Variants in CMTM4 observed in about 807,000 individuals in gnomAD.
The protein encoded by CMTM4 is CKLF-like MARVEL transmembrane domain-containing protein 4.
In CMTM4, 8 loss-of-function variants were observed where a neutral mutation model predicts 19.0. The ratio of observed to expected loss-of-function variants is 0.42; its 90% CI spans 0.25 to 0.76. CMTM4 has a LOEUF of 0.76. CMTM4 is among the 30% of genes least tolerant of loss of function. CMTM4 has a pLI of 0.27. For synonymous variants in CMTM4, 106 were observed against 121.1 expected, an observed-to-expected ratio of 0.88 and a Z score of 0.82; for missense variants, 228 against 290.2, an observed-to-expected ratio of 0.79 and a Z score of 1.56.
chr16:66,620,785 CAAACTA>C lies in CMTM4; in HGVS notation c.*1267_*1272del. The C allele has an allele frequency of 1.0e-6, 1 of 985,708 alleles. No individual in the cohort carries two copies. The highest frequency in any genetic ancestry group is 1.7e-5 in the African/African-American group (1 of 57,340). The allele number at this position is 985,708 out of a possible 1,614,324, so 61.1% of individuals were successfully genotyped here. A position where few individuals can be genotyped will look rare whatever the true frequency, so the allele number is the denominator to read the frequency against. ...AACAGTTCAAAGAGGGAAAACCTGACAAACTAAAACAACTTTTTTCCATAAAAGATA... is the reference window on the plus strand; with the variant it reads ...AACAGTTCAAAGAGGGAAAACCTGACAAACAACTTTTTTCCATAAAAGATA... On this transcript the variant is annotated 3_prime_UTR_variant, in exon 4 of 4. Coordinates refer to ENST00000394106, the MANE Select transcript of CMTM4 (RefSeq NM_181521.3).
chr16:66,640,768 GCT>G (rs2016084946), intron 1 of CMTM4, among the ~76,000 whole-genome samples: 1 of 152,152 alleles, frequency 6.6e-6, no homozygotes, highest in African/African-American at 2.4e-5. Context: ...TTCCTGCCTT[GCT>G]CTCTCTTAGA....
intron 2 of CMTM4, among the ~76,000 whole-genome samples, 191 bp downstream of exon 2, chr16:66,636,214 T>A (rs1326028782): frequency 6.6e-6 from 1 of 152,226 alleles, no homozygotes; most frequent in Non-Finnish European, 1.5e-5. Context: ...CTCCCATTAG[T>A]TAAGATTCAG....
intron 1 of CMTM4, among the ~76,000 whole-genome samples, chr16:66,681,609 T>C (rs1771592432): frequency 6.6e-6 from 1 of 152,216 alleles, no homozygotes; most frequent in Non-Finnish European, 1.5e-5. Flanking sequence ...CAGCCTTCCC[T>C]ATTAAATCTT....
chr16:66,695,427 A>AGGCC (rs1218786298), intron 1 of CMTM4, among the ~76,000 whole-genome samples: 2 of 152,202 alleles, frequency 1.3e-5, no homozygotes, highest in African/African-American at 4.8e-5. Context: ...TGGCCTCAGA[A>AGGCC]GGCCTACCTG....
chr16:66,674,884 G>T (rs1414078876), intron 1 of CMTM4, among the ~76,000 whole-genome samples: 3 of 151,370 alleles, frequency 2.0e-5, no homozygotes, highest in Admixed American at 2.0e-4. Context: ...TGGGATTACA[G>T]GTGCCTGCCA....
chr16:66,690,091 T>A (rs772284047), intron 1 of CMTM4, among the ~76,000 whole-genome samples: 1 of 152,182 alleles, frequency 6.6e-6, no homozygotes, highest in African/African-American at 2.4e-5. Context: ...GGAAGACAAC[T>A]CCTAAAGATA....
chr16:66,605,040 G>T, the CMTM4 span: 2 of 1,226,848 alleles, frequency 1.6e-6, no homozygotes. The surrounding 1 kb of genome is among the most constrained non-coding windows in gnomAD (Gnocchi z 4.6). Context: ...GGGTCCGGGG[G>T]CGGCCGCCGT....
Position 66,619,280 on chromosome 16 carries a change from A to G in CMTM4, c.*2778T>C, listed in dbSNP as rs2015583817. ...GCCAAAATAAACTTTCTCTGAGGAC[A>G]TCAGTGTTTGCATCCATCTAAAACC... On this transcript the variant is annotated 3_prime_UTR_variant, in exon 4 of 4. Coordinates refer to ENST00000394106, the MANE Select transcript of CMTM4 (RefSeq NM_181521.3). The G allele has an allele frequency of 3.0e-6, 3 of 985,496 alleles. No homozygotes were observed. The highest frequency in any genetic ancestry group is 3.6e-6 in the Non-Finnish European group (3 of 829,952). 61.0% of individuals were successfully genotyped at this position (985,496 alleles called of 1,614,324 possible).
chr16:66,618,462 C>T lies in CMTM4; in HGVS notation c.*3596G>A, dbSNP rs181536386. 48 of 985,446 alleles carry T rather than the reference C, an allele frequency of 4.9e-5. No individual in the cohort carries two copies. The Admixed American group carries it at 1.2e-3, about 24-fold the overall frequency. 61.0% of individuals were successfully genotyped at this position (985,446 alleles called of 1,614,324 possible). The stretch of plus-strand genomic sequence containing the variant: ...TCATCTCCTAGGTGCTAAGACCAAC[C>T]CACAGAAAATCTGGCACAGAAAGGG... On this transcript the variant is annotated 3_prime_UTR_variant, in exon 4 of 4. Coordinates refer to ENST00000394106, the MANE Select transcript of CMTM4 (RefSeq NM_181521.3).
the CMTM4 span, among the ~76,000 whole-genome samples, chr16:66,599,188 G>T: frequency 6.6e-6 from 1 of 151,960 alleles, no homozygotes; most frequent in East Asian, 1.9e-4. Context: ...TACTTGGGAG[G>T]CTGAGGCATG....
At chr16:66,604,151 GTC>G in the CMTM4 span, 1 of 153,176 alleles carries the variant, frequency 6.5e-6, no homozygotes, top group Non-Finnish European at 1.5e-5. Context: ...GTGTGTGTGT[GTC>G]TGTGTGTGTG....
Position 66,621,494 on chromosome 16 carries a change from A to AG in CMTM4, c.*563dup, listed in dbSNP as rs1012411405. ...AAAAGGTCACCCTTCCTTGAGTCAG[A>AG]GGTCCCTGGGAGCCATCCTAACAGG... On this transcript the variant is annotated 3_prime_UTR_variant, in exon 4 of 4. Coordinates refer to ENST00000394106, the MANE Select transcript of CMTM4 (RefSeq NM_181521.3). The AG allele has an allele frequency of 6.7e-5, 66 of 986,044 alleles. No individual in the cohort carries two copies. The highest frequency in any genetic ancestry group is 6.1e-5 in the Non-Finnish European group (51 of 830,136). 61.1% of individuals were successfully genotyped at this position (986,044 alleles called of 1,614,324 possible). A position where few individuals can be genotyped will look rare whatever the true frequency, so the allele number is the denominator to read the frequency against.
Position 66,696,383 on chromosome 16 carries a change from T to G in CMTM4, c.143A>C (p.Asp48Ala). The G allele has an allele frequency of 7.0e-7, 1 of 1,425,814 alleles. No homozygotes were observed. The highest frequency in any genetic ancestry group is 9.2e-7 in the Non-Finnish European group (1 of 1,091,792). The allele number at this position is 1,425,814 out of a possible 1,614,324, so 88.3% of individuals were successfully genotyped here. The change falls in exon 1 of 4, where the codon GAC (aspartate) becomes GCC (alanine). Residue 48 changes from aspartate (D) to alanine (A), a missense_variant. Coordinates refer to ENST00000394106, the MANE Select transcript of CMTM4 (RefSeq NM_181521.3). This position sits in a 1 kb window ranked among gnomAD's most constrained non-coding sequence, Gnocchi z 4.3. ...RGLAGLRCDP[D>A]YLRGALGRLK... is the part of the protein sequence containing the mutation. ...GCGGCCGAGCGCGCCGCGCAGGTAG[T>G]CGGGGTCGCAGCGCAGGCCGGCCAG...
the CMTM4 span, among the ~76,000 whole-genome samples, chr16:66,600,112 T>TTGTGTG: frequency 3.9e-4 from 57 of 146,574 alleles, no homozygotes; most frequent in Non-Finnish European, 6.1e-4. Context: ...AGCCATCCTT[T>TTGTGTG]TGTGTGTGTG....
chr16:66,636,639 A>C (rs2015997296), intron 1 of CMTM4, 58 bp from the exon 2 acceptor site: 2 of 1,375,482 alleles, frequency 1.5e-6, no homozygotes, highest in Admixed American at 3.4e-5. Context: ...ATCTGCGGAC[A>C]TACGTACCTG....
intron 1 of CMTM4, among the ~76,000 whole-genome samples, chr16:66,679,804 A>G (rs1461704994): frequency 6.7e-6 from 1 of 150,150 alleles, no homozygotes; most frequent in African/African-American, 2.5e-5. Context: ...AGCCTGGGTG[A>G]CAGTGCGAGA....
At position 66,621,885 on chromosome 16, in the gene CMTM4, C is replaced by T; in HGVS notation, c.*173G>A. On this transcript the variant is annotated 3_prime_UTR_variant, in exon 4 of 4. Transcript: ENST00000394106. The stretch of plus-strand genomic sequence containing the variant: ...ACGCTGAGGAACGTGGGCCTCCCAA[C>T]TCCACCGCGGACCCGCCCACTGGGC... The T allele has an allele frequency of 1.4e-6, 2 of 1,426,430 alleles. No homozygotes were observed. Among genetic ancestry groups the T allele is most frequent in the Non-Finnish European group, 1.8e-6 (2 of 1,093,304 alleles). 88.4% of individuals were successfully genotyped at this position (1,426,430 alleles called of 1,614,324 possible).
intron 1 of CMTM4, among the ~76,000 whole-genome samples, chr16:66,674,462 C>A (rs1172366085): frequency 6.6e-6 from 1 of 152,074 alleles, no homozygotes; most frequent in African/African-American, 2.4e-5. Flanking sequence ...ACAACTACAG[C>A]GGAAATTCTA....
intron 1 of CMTM4, among the ~76,000 whole-genome samples, chr16:66,651,904 G>A (rs548772967): frequency 6.6e-6 from 1 of 152,202 alleles, no homozygotes; most frequent in Non-Finnish European, 1.5e-5. Context: ...AAACAAAGGA[G>A]CTAATTGCAA....
Sources: gnomAD v4.1 joint callset for allele counts (sites outside exome capture counted in the v4.1 genomes callset) on GRCh38, gnomAD v4.1.1 for gene constraint, Gnocchi (gnomAD v3.1) non-coding constraint, MANE v1.5 for transcripts, NCBI Gene and HGNC (gene_info 2026-07-23, HGNC 2026-07-21) for gene names.